SEMA6D: variants seen among roughly 807,000 people sequenced by gnomAD.
The protein encoded by SEMA6D is semaphorin-6D.
SEMA6D carries 35 observed loss-of-function variants against 106.6 expected under a neutral mutation model. The ratio of observed to expected loss-of-function variants is 0.33; its 90% confidence interval spans 0.25 to 0.44. SEMA6D has a LOEUF of 0.44. SEMA6D is among the 20% of genes least tolerant of loss of function. SEMA6D has a pLI of 1.00. For missense variants in SEMA6D, 1,185 were observed against 1,345.9 expected, an observed-to-expected ratio of 0.88 and a Z score of 1.87; for synonymous variants, 499 against 487.7, an observed-to-expected ratio of 1.02 and a Z score of -0.31.
At chr15:47,667,381 G>A (rs928129338) in intron 4 of SEMA6D, among the ~76,000 whole-genome samples, 3 of 152,110 alleles carry the variant, frequency 2.0e-5, no homozygotes, top group East Asian at 1.9e-4. Context: ...TCTCAAGCAC[G>A]TCAGGTCTCA....
intron 1 of SEMA6D, among the ~76,000 whole-genome samples, chr15:47,378,972 TCTC>T (rs1468980744): frequency 6.6e-6 from 1 of 152,132 alleles, no homozygotes; most frequent in African/African-American, 2.4e-5. Flanking sequence ...ATAATTCTCT[TCTC>T]CTCCAACCAG....
intron 1 of SEMA6D, among the ~76,000 whole-genome samples, chr15:47,249,445 T>G (rs746519591): frequency 5.9e-5 from 6 of 101,286 alleles, no homozygotes; most frequent in South Asian, 9.4e-4. Context: ...CAAAATCATG[T>G]TTTTTTTTTT....
At chr15:47,250,753 A>G (rs2033471728) in intron 1 of SEMA6D, among the ~76,000 whole-genome samples, 1 of 152,232 alleles carries the variant, frequency 6.6e-6, no homozygotes, top group Non-Finnish European at 1.5e-5. Flanking sequence ...GCTGAGGACC[A>G]GAGGGGACAA....
intron 4 of SEMA6D, among the ~76,000 whole-genome samples, chr15:47,703,689 C>CA (rs2078860068): frequency 6.6e-6 from 1 of 151,914 alleles, no homozygotes; most frequent in African/African-American, 2.4e-5. Flanking sequence ...AAAGAAACCA[C>CA]AAAAAACCCT....
At chr15:47,336,900 A>G (rs1205963308) in intron 1 of SEMA6D, among the ~76,000 whole-genome samples, 1 of 152,160 alleles carries the variant, frequency 6.6e-6, no homozygotes, top group Non-Finnish European at 1.5e-5. Flanking sequence ...TGTCCAAAGT[A>G]GGTAAAAACA....
At chr15:47,759,662 A>G in intron 1 of SEMA6D, 83 bp from the exon 2 acceptor site, 1 of 657,648 alleles carries the variant, frequency 1.5e-6, no homozygotes, top group Admixed American at 2.4e-5. Flanking sequence ...GAGGGAGCTG[A>G]TGGTGAAAAC....
chr15:47,503,570 A>T (rs528287642), intron 3 of SEMA6D, among the ~76,000 whole-genome samples: 1 of 152,284 alleles, frequency 6.6e-6, no homozygotes, highest in East Asian at 1.9e-4. Flanking sequence ...TACATTAGTA[A>T]TGTAGCTTTC....
At chr15:47,267,026 T>C (rs1205775427) in intron 1 of SEMA6D, among the ~76,000 whole-genome samples, 1 of 152,170 alleles carries the variant, frequency 6.6e-6, no homozygotes, top group Non-Finnish European at 1.5e-5. Context: ...AGCAGAAACA[T>C]CTCCAGTAAT....
chr15:47,744,401 C>G (rs139243280), intron 1 of SEMA6D, among the ~76,000 whole-genome samples: 56 of 152,242 alleles, frequency 3.7e-4, no homozygotes, highest in South Asian at 2.7e-3. Flanking sequence ...GAAACCTAGA[C>G]AGAGGTCCTG....
chr15:47,309,626 G>A (rs949403071), intron 1 of SEMA6D, among the ~76,000 whole-genome samples: 4 of 152,006 alleles, frequency 2.6e-5, no homozygotes, highest in African/African-American at 9.7e-5. Context: ...ATCTACTAGG[G>A]GTCTTGGAAC....
At chr15:47,655,309 G>C (rs2077769750) in intron 4 of SEMA6D, among the ~76,000 whole-genome samples, 1 of 152,296 alleles carries the variant, frequency 6.6e-6, no homozygotes, top group Non-Finnish European at 1.5e-5. Flanking sequence ...GCCAGCTTTG[G>C]ACATTTATGT....
At chr15:47,427,188 C>T (rs1455148915) in intron 2 of SEMA6D, among the ~76,000 whole-genome samples, 1 of 152,094 alleles carries the variant, frequency 6.6e-6, no homozygotes, top group Non-Finnish European at 1.5e-5. Flanking sequence ...AGAAAGGAGG[C>T]ACTGATGGAG....
intron 2 of SEMA6D, among the ~76,000 whole-genome samples, chr15:47,428,267 A>T (rs962734986): frequency 6.6e-6 from 1 of 152,140 alleles, no homozygotes; most frequent in Non-Finnish European, 1.5e-5. Flanking sequence ...AGAGAAAAGA[A>T]TAATGAGTTT....
At chr15:47,312,148 T>TTTTG (rs1456185406) in intron 1 of SEMA6D, among the ~76,000 whole-genome samples, 1 of 148,556 alleles carries the variant, frequency 6.7e-6, no homozygotes, top group Admixed American at 6.6e-5. Context: ...TTTCTAGGGT[T>TTTTG]TTTTTTTTTT....
intron 4 of SEMA6D, among the ~76,000 whole-genome samples, chr15:47,694,410 C>G (rs2078656595): frequency 6.6e-6 from 1 of 151,962 alleles, no homozygotes; most frequent in South Asian, 2.1e-4. Flanking sequence ...TTTAAGCACC[C>G]CAATTTGAGA....
chr15:47,379,876 G>A (rs888575885), intron 1 of SEMA6D, among the ~76,000 whole-genome samples: 19 of 152,046 alleles, frequency 1.2e-4, no homozygotes, highest in African/African-American at 4.6e-4. Flanking sequence ...TTCTGCCTCT[G>A]CCTCCCAAGT....
intron 1 of SEMA6D, among the ~76,000 whole-genome samples, chr15:47,245,034 T>C (rs978025948): frequency 1.3e-5 from 2 of 151,884 alleles, no homozygotes; most frequent in African/African-American, 4.8e-5. Context: ...GATTTTGTTT[T>C]TTTTTTTCAT....
intron 3 of SEMA6D, among the ~76,000 whole-genome samples, chr15:47,538,458 CTT>C (rs2142168431): frequency 6.6e-6 from 1 of 152,254 alleles, no homozygotes; most frequent in East Asian, 1.9e-4. Flanking sequence ...TCTTGTATCT[CTT>C]TGAGTTAAAA....
intron 1 of SEMA6D, among the ~76,000 whole-genome samples, chr15:47,307,508 A>C (rs559623976): frequency 2.0e-5 from 3 of 152,148 alleles, no homozygotes; most frequent in Non-Finnish European, 4.4e-5. Flanking sequence ...TTCTCAGCCC[A>C]ATTAACAGAT....
Sources: gnomAD v4.1 joint callset for allele counts (sites outside exome capture counted in the v4.1 genomes callset) on GRCh38, gnomAD v4.1.1 for gene constraint, MANE v1.5 for transcripts, NCBI Gene and HGNC (gene_info 2026-07-23, HGNC 2026-07-21) for gene names.